The following PTCSC3 variants were observed in gnomAD, a reference collection of about 807,000 sequenced individuals.
The protein encoded by PTCSC3 is papillary thyroid carcinoma susceptibility candidate 3 (non-protein coding).
intron 1 of PTCSC3, among the ~76,000 whole-genome samples, chr14:36,170,034 G>A (rs1253964032): frequency 6.6e-6 from 1 of 152,112 alleles, no homozygotes; most frequent in Admixed American, 6.5e-5. Flanking sequence ...AATGGGCAGT[G>A]TTCTTTGAGA....
intron 3 of PTCSC3, among the ~76,000 whole-genome samples, chr14:36,140,238 T>G (rs1367667298): frequency 6.6e-6 from 1 of 152,228 alleles, no homozygotes; most frequent in East Asian, 1.9e-4. Context: ...ATTTATCTAT[T>G]GAGGGACATC....
chr14:36,143,931 C>T (rs1881491426), intron 3 of PTCSC3, among the ~76,000 whole-genome samples: 1 of 151,748 alleles, frequency 6.6e-6, no homozygotes, highest in Non-Finnish European at 1.5e-5. Context: ...TTCCCCATTG[C>T]TTGTTTTTCT....
intron 2 of PTCSC3, among the ~76,000 whole-genome samples, chr14:36,159,197 T>A (rs1425193766): frequency 1.7e-5 from 2 of 115,738 alleles, no homozygotes; most frequent in African/African-American, 2.8e-5. Flanking sequence ...AAAAAACAGC[T>A]CCTGGATTCA....
intron 3 of PTCSC3, among the ~76,000 whole-genome samples, chr14:36,139,395 T>G (rs573101362): frequency 1.3e-5 from 2 of 152,254 alleles, no homozygotes; most frequent in African/African-American, 4.8e-5. Flanking sequence ...TAATACAGAC[T>G]AAAATAATCT....
At chr14:36,150,362 T>G (rs1881693072) in intron 3 of PTCSC3, among the ~76,000 whole-genome samples, 1 of 152,074 alleles carries the variant, frequency 6.6e-6, no homozygotes, top group African/African-American at 2.4e-5. Flanking sequence ...TGAAACAAGG[T>G]ACCCTGAAAC....
At chr14:36,149,072 T>C (rs1881663852) in intron 3 of PTCSC3, among the ~76,000 whole-genome samples, 1 of 152,096 alleles carries the variant, frequency 6.6e-6, no homozygotes, top group Non-Finnish European at 1.5e-5. Context: ...TCTAGTTATC[T>C]AATGTGTAGG....
chr14:36,167,277 C>A (rs2139111398), intron 1 of PTCSC3, among the ~76,000 whole-genome samples: 1 of 152,270 alleles, frequency 6.6e-6, no homozygotes, highest in Middle Eastern at 3.4e-3. Flanking sequence ...ATGCAGGAAG[C>A]TAGCTGGCCC....
intron 1 of PTCSC3, among the ~76,000 whole-genome samples, chr14:36,169,660 A>G (rs2139112889): frequency 6.6e-6 from 1 of 152,280 alleles, no homozygotes. Flanking sequence ...TAGGGGAACA[A>G]TAAGCAGTAC....
intron 2 of PTCSC3, among the ~76,000 whole-genome samples, chr14:36,156,820 G>A: frequency 6.6e-6 from 1 of 152,084 alleles, no homozygotes. Context: ...TCATTGATGG[G>A]CATTTGGGTT....
At chr14:36,171,616 T>C (rs541530376) in intron 1 of PTCSC3, among the ~76,000 whole-genome samples, 2 of 152,280 alleles carry the variant, frequency 1.3e-5, no homozygotes, top group African/African-American at 4.8e-5. Flanking sequence ...ATTGCTTTCA[T>C]GTGTGAAATG....
intron 1 of PTCSC3, among the ~76,000 whole-genome samples, chr14:36,165,781 A>G (rs1322374892): frequency 5.5e-5 from 8 of 144,982 alleles, no homozygotes; most frequent in African/African-American, 2.1e-4. Context: ...CTTCAGGACG[A>G]TAATGAAACT....
chr14:36,139,560 C>A (rs28647486), intron 3 of PTCSC3, among the ~76,000 whole-genome samples: 5 of 151,676 alleles, frequency 3.3e-5, no homozygotes, highest in South Asian at 2.1e-4. Context: ...TTATTCGCTA[C>A]CCCCCCAATA....
intron 2 of PTCSC3, among the ~76,000 whole-genome samples, chr14:36,157,733 A>G (rs186386383): frequency 3.2e-4 from 48 of 152,274 alleles, no homozygotes; most frequent in African/African-American, 1.1e-3. Context: ...TGTCTTGGCT[A>G]TAATGGGCTC....
In PTCSC3 at chr14:36,152,459, C is replaced by T. The variant is rs528363946; in HGVS notation, n.322+1345G>A. ...CTAGCCTGGGCAACATAATGAGATC[C>T]CATCAAAAAAAGGCATCAAAATAGT... is the stretch of plus-strand genomic sequence containing the variant. On this transcript the variant is annotated intron_variant and non_coding_transcript_variant, in intron 3 of 3. Transcript: ENST00000556013. 5.9e-5 allele frequency among the ~76,000 whole-genome samples: 9 copies of T among 151,358 alleles called. No individual in the cohort carries two copies. The South Asian group carries it at 1.9e-3, about 32-fold the overall frequency.
At chr14:36,144,332 C>T (rs2139091082) in intron 3 of PTCSC3, among the ~76,000 whole-genome samples, 1 of 145,960 alleles carries the variant, frequency 6.9e-6, no homozygotes, top group African/African-American at 2.5e-5. Flanking sequence ...TCTTTTATTT[C>T]CTTGAGCAGT....
At chr14:36,140,617 C>T (rs535582310) in intron 3 of PTCSC3, among the ~76,000 whole-genome samples, 1 of 152,246 alleles carries the variant, frequency 6.6e-6, no homozygotes, top group African/African-American at 2.4e-5. Context: ...GATCATTTGC[C>T]ACATGTATAT....
chr14:36,152,607 A>G (rs182171952), intron 3 of PTCSC3, among the ~76,000 whole-genome samples: 9 of 152,262 alleles, frequency 5.9e-5, no homozygotes, highest in Non-Finnish European at 5.9e-5. Context: ...GACAACAACA[A>G]CAAAACGAGG....
At chr14:36,156,250 G>A (rs1334180964) in intron 2 of PTCSC3, among the ~76,000 whole-genome samples, 1 of 152,114 alleles carries the variant, frequency 6.6e-6, no homozygotes, top group Non-Finnish European at 1.5e-5. Context: ...ATTTTTATTA[G>A]TTTCAAAAGA....
chr14:36,164,590 TTTA>T (rs200234806), intron 1 of PTCSC3, among the ~76,000 whole-genome samples: 2,418 of 87,254 alleles, frequency 0.028, 35 homozygotes, highest in South Asian at 0.075. Flanking sequence ...AGAACTATTT[TTTA>T]TTTTTTATAA....
Sources: allele counts gnomAD v4.1 joint callset (sites outside exome capture counted in the v4.1 genomes callset), GRCh38; gene constraint gnomAD v4.1.1; transcripts MANE v1.5; gene names NCBI Gene and HGNC (gene_info 2026-07-23, HGNC 2026-07-21).